Variants in GSTA1 observed in about 807,000 individuals in gnomAD.
GSTA1 encodes glutathione S-transferase alpha 1.
In GSTA1, 23 loss-of-function variants were observed where a neutral mutation model predicts 21.5. That is an observed-to-expected ratio of 1.07 (90% confidence interval 0.77 to 1.52). GSTA1 has a LOEUF of 1.52. GSTA1 is among the 40% of genes most tolerant of loss of function. GSTA1 has a pLI of 0.00. For synonymous variants in GSTA1, 125 were observed against 90.0 expected, an observed-to-expected ratio of 1.39 and a Z score of -2.20; for missense variants, 301 against 264.2, an observed-to-expected ratio of 1.14 and a Z score of -0.96.
intron 3 of GSTA1, among the ~76,000 whole-genome samples, chr6:52,796,860 C>G (rs184349673): frequency 1.3e-5 from 2 of 152,038 alleles, no homozygotes; most frequent in Admixed American, 1.3e-4. Context: ...TTTTAAAAAG[C>G]TTCCTGTAGT....
chr6:52,796,809 G>C (rs1417668792), intron 3 of GSTA1, among the ~76,000 whole-genome samples: 1 of 151,310 alleles, frequency 6.6e-6, no homozygotes, highest in Non-Finnish European at 1.5e-5. Context: ...TCCCAAACTG[G>C]GATTACAGGC....
chr6:52,793,531 G>A (rs1456747972), intron 5 of GSTA1, among the ~76,000 whole-genome samples: 1 of 152,118 alleles, frequency 6.6e-6, no homozygotes, highest in Admixed American at 6.5e-5. Flanking sequence ...CTTTCTTACA[G>A]CATTGACTCT....
intron 3 of GSTA1, among the ~76,000 whole-genome samples, chr6:52,796,543 A>ATATATATTT (rs1300549721): frequency 1.7e-4 from 4 of 23,770 alleles, no homozygotes; most frequent in Non-Finnish European, 3.2e-4. Flanking sequence ...ATATATATAT[A>ATATATATTT]TTTTTTTTTT....
chr6:52,797,059 T>C (rs1447047070), intron 3 of GSTA1, among the ~76,000 whole-genome samples: 1 of 152,166 alleles, frequency 6.6e-6, no homozygotes, highest in Non-Finnish European at 1.5e-5. Flanking sequence ...AAACAGGAAG[T>C]TCCCAGAGTA....
intron 3 of GSTA1, among the ~76,000 whole-genome samples, chr6:52,797,173 AG>A (rs1378611092): frequency 6.6e-6 from 1 of 152,126 alleles, no homozygotes; most frequent in Non-Finnish European, 1.5e-5. Flanking sequence ...AGTGTTACCC[AG>A]TCCCACTCCC....
At position 52,792,000 on chromosome 6, in the gene GSTA1, G is replaced by A; in HGVS notation, c.547-20C>T. The A allele has an allele frequency of 6.2e-7, 1 of 1,613,472 alleles. No homozygotes were observed. Among genetic ancestry groups the A allele is most frequent in the African/African-American group, 1.3e-5 (1 of 75,010 alleles). On this transcript the variant is annotated intron_variant, in intron 6 of 6. Transcript: ENST00000334575. ...CAGGGCCTGTAATTCATAAAGCACA[G>A]CCTCAGAGTGAAGCCAAGGGCTGAC...
intron 5 of GSTA1, 137 bp downstream of exon 5, chr6:52,793,988 C>G: frequency 9.7e-7 from 1 of 1,025,886 alleles, no homozygotes; most frequent in African/African-American, 1.6e-5. Context: ...CATAAAATGC[C>G]TTGAGAGTCA....
Position 52,794,234 on chromosome 6 carries a change from A to G in GSTA1, c.305T>C (p.Leu102Ser), listed in dbSNP as rs1461308863. Residue 102 changes from leucine to serine, a missense_variant, in exon 5 of 7, where the codon TTG (leucine) becomes TCG (serine). Physicochemically the swap from Leu to Ser is moderately radical, Grantham distance 145. Transcript: ENST00000334575. Reference sequence around the variant, plus strand: ...GGGCAGAAGGAGGATCATTTCACCCAAATCTGCTATACCTTCTATATACAT... The same window carrying G: ...GGGCAGAAGGAGGATCATTTCACCCGAATCTGCTATACCTTCTATATACAT... ...IDMYIEGIAD[L>S]GEMILLLPVC... is the part of the protein sequence containing the mutation. 20 of 1,613,722 alleles carry G rather than the reference A, an allele frequency of 1.2e-5. No homozygotes were observed. The highest frequency in any genetic ancestry group is 1.6e-5 in the Non-Finnish European group (19 of 1,179,626).
At chr6:52,798,886 A>G (rs895533293) in intron 2 of GSTA1, among the ~76,000 whole-genome samples, 2 of 152,322 alleles carry the variant, frequency 1.3e-5, no homozygotes, top group African/African-American at 2.4e-5. Flanking sequence ...ATCGATATTC[A>G]TGTTTCTAAT....
In GSTA1 at chr6:52,797,622, T is replaced by G. The variant is rs1159909483; in HGVS notation, c.103A>C (p.Ile35Leu). The G allele has an allele frequency of 1.2e-6, 2 of 1,607,186 alleles. No homozygotes were observed. The highest frequency in any genetic ancestry group is 1.7e-6 in the Non-Finnish European group (2 of 1,174,022). Reference sequence around the variant, plus strand: ...TTGTCCAAATCTTCTGCAGATTTTATAAATTTCTCTTCAAACTGGAAGCAG... The same window carrying G: ...TTGTCCAAATCTTCTGCAGATTTTAGAAATTTCTCTTCAAACTGGAAGCAG... ...AAGVEFEEKF[I>L]KSAEDLDKLR... The change falls in exon 3 of 7, where the codon ATA becomes CTA. Residue 35 changes from isoleucine to leucine, a missense_variant. Ile to Leu is a conservative substitution (Grantham distance 5, BLOSUM62 2). Transcript: ENST00000334575.
rs373523033 is a variant in GSTA1, at chr6:52,796,207, C to T, written c.247G>A (p.Gly83Arg). 3 of 1,613,706 alleles carry T rather than the reference C, an allele frequency of 1.9e-6. No individual in the cohort carries two copies. The African/African-American group carries it at 4.0e-5, about 22-fold the overall frequency. The stretch of plus-strand genomic sequence containing the variant: ...AGGGCTCTCTCCTTTATGTCTTTCC[C>T]ATAGAGGTTGTATTTGCTGGCAATG... ...NYIASKYNLY[G>R]KDIKERALID... Residue 83 changes from glycine to arginine, a missense_variant, in exon 4 of 7, where the codon GGG (glycine) becomes AGG (arginine). Transcript: ENST00000334575.
intron 1 of GSTA1, among the ~76,000 whole-genome samples, chr6:52,803,405 T>A (rs1581800981): frequency 6.6e-6 from 1 of 152,194 alleles, no homozygotes; most frequent in Admixed American, 6.5e-5. Flanking sequence ...AATTACAGTG[T>A]CACAATTTAC....
chr6:52,791,841 C>A lies in GSTA1; in HGVS notation c.*17G>T. ...GAACATTGGTATTGCAAGTTCTTGGCCTCCATGACTGCGTTATTAAAACCT... is the reference window on the plus strand; with the variant it reads ...GAACATTGGTATTGCAAGTTCTTGGACTCCATGACTGCGTTATTAAAACCT... On this transcript the variant is annotated 3_prime_UTR_variant, in exon 7 of 7. Coordinates refer to ENST00000334575, the MANE Select transcript of GSTA1 (RefSeq NM_145740.5). 1 of 1,613,752 alleles carries A rather than the reference C, an allele frequency of 6.2e-7. No individual in the cohort carries two copies. The highest frequency in any genetic ancestry group is 8.5e-7 in the Non-Finnish European group (1 of 1,179,848).
intron 3 of GSTA1, among the ~76,000 whole-genome samples, chr6:52,796,685 G>A (rs1267366648): frequency 6.7e-6 from 1 of 149,464 alleles, no homozygotes; most frequent in Non-Finnish European, 1.5e-5. Flanking sequence ...TGGGATTACA[G>A]CCATGCACCA....
In GSTA1 at chr6:52,799,247, G is replaced by A; in HGVS notation, c.21C>T (p.Leu7=). The part of the protein sequence containing the change: MAEKPK[L]HYFNARGRME... ...TTCTGCCCCGTGCATTGAAGTAGTG[G>A]AGCTTGGGCTTCTCTGCCATGATAG... The change falls in exon 2 of 7, where the codon CTC becomes CTT. Residue 7 remains leucine, a synonymous_variant. Transcript: ENST00000334575. 3 of 1,613,862 alleles carry A rather than the reference G, an allele frequency of 1.9e-6. No individual in the cohort carries two copies. Among genetic ancestry groups the A allele is most frequent in the Non-Finnish European group, 1.7e-6 (2 of 1,179,858 alleles).
Position 52,796,258 on chromosome 6 carries a change from C to T in GSTA1, c.196G>A (p.Val66Met). 1 of 1,613,706 alleles carries T rather than the reference C, an allele frequency of 6.2e-7. No homozygotes were observed. Residue 66 changes from valine to methionine, a missense_variant, in exon 4 of 7, where the codon GTG becomes ATG. Transcript: ENST00000334575. ...TAGTTGAGAATGGCTCTGGTCTGCA[C>T]CAGCTTCATCCCATCAATCTCAACC... ...PMVEIDGMKL[V>M]QTRAILNYIA...
At chr6:52,801,105 G>A (rs184088980) in intron 1 of GSTA1, among the ~76,000 whole-genome samples, 3 of 152,136 alleles carry the variant, frequency 2.0e-5, no homozygotes, top group East Asian at 1.9e-4. Flanking sequence ...GGTCTGGAAC[G>A]CCTGACCTCA....
chr6:52,796,247 T>C lies in GSTA1; in HGVS notation c.207A>G (p.Arg69=). The C allele has an allele frequency of 5.6e-6, 9 of 1,613,826 alleles. No homozygotes were observed. Among genetic ancestry groups the C allele is most frequent in the Non-Finnish European group, 7.6e-6 (9 of 1,179,952 alleles). The change falls in exon 4 of 7, where the codon AGA becomes AGG. Residue 69 remains arginine (R), a synonymous_variant. Transcript: ENST00000334575. Reference sequence around the variant, plus strand: ...TGCTGGCAATGTAGTTGAGAATGGCTCTGGTCTGCACCAGCTTCATCCCAT... The same window carrying C: ...TGCTGGCAATGTAGTTGAGAATGGCCCTGGTCTGCACCAGCTTCATCCCAT... The part of the protein sequence containing the change: ...EIDGMKLVQT[R]AILNYIASKY...
intron 2 of GSTA1, among the ~76,000 whole-genome samples, chr6:52,797,867 C>T (rs1199359532): frequency 6.6e-6 from 1 of 152,146 alleles, no homozygotes; most frequent in Non-Finnish European, 1.5e-5. Flanking sequence ...TCAACTCCAC[C>T]CTGATATGAA....
Sources: gnomAD v4.1 joint callset for allele counts (sites outside exome capture counted in the v4.1 genomes callset) on GRCh38, gnomAD v4.1.1 for gene constraint, MANE v1.5 for transcripts, NCBI Gene and HGNC (gene_info 2026-07-23, HGNC 2026-07-21) for gene names.